The following MTRF1L variants were observed in gnomAD, a reference collection of about 807,000 sequenced individuals.
MTRF1L encodes mitochondrial translation release factor 1 like, also known as peptide chain release factor 1-like, mitochondrial.
In MTRF1L, 29 loss-of-function variants were observed where a neutral mutation model predicts 40.0. The ratio of observed to expected loss-of-function variants is 0.73; its 90% CI spans 0.54 to 0.99. The LOEUF is 0.99. MTRF1L is among the 50% of genes least tolerant of loss of function. MTRF1L has a pLI of 0.00. For synonymous variants in MTRF1L, 150 were observed against 175.8 expected (o/e 0.85, Z 1.16); for missense variants, 412 against 464.5 (o/e 0.89, Z 1.04).
At chr6:152,996,602 A>C (rs965493031) in intron 2 of MTRF1L, among the ~76,000 whole-genome samples, 1 of 152,044 alleles carries the variant, frequency 6.6e-6, no homozygotes, top group African/African-American at 2.4e-5. Context: ...CTCCTTCCTT[A>C]CCTAACATAT....
chr6:152,992,624 T>C (rs1444943231), intron 5 of MTRF1L, among the ~76,000 whole-genome samples: 1 of 152,228 alleles, frequency 6.6e-6, no homozygotes, highest in Non-Finnish European at 1.5e-5. Context: ...CCACACCTTC[T>C]ATAAATAGTA....
intron 4 of MTRF1L, 41 bp downstream of exon 4, chr6:152,994,472 T>G (rs763763647): frequency 5.0e-5 from 78 of 1,565,446 alleles, no homozygotes; most frequent in Non-Finnish European, 6.4e-5. Flanking sequence ...CAAGGCACTG[T>G]GCTAGGCCCG....
intron 2 of MTRF1L, among the ~76,000 whole-genome samples, chr6:152,996,476 C>T (rs1778717682): frequency 6.6e-6 from 1 of 152,112 alleles, no homozygotes; most frequent in Admixed American, 6.5e-5. Context: ...ACACTTTTCA[C>T]CTTATAGTGG....
Position 152,992,993 on chromosome 6 carries a change from G to C in MTRF1L, c.688-19C>G. On this transcript the variant is annotated intron_variant, in intron 4 of 6. Coordinates refer to ENST00000367233, the MANE Select transcript of MTRF1L (RefSeq NM_019041.7). ...GATTAATCTATACAGAAGAAAAGTT[G>C]GGATTTTAAAAGATTACATGTATCA... The C allele has an allele frequency of 2.5e-6, 4 of 1,598,360 alleles. No individual in the cohort carries two copies. The highest frequency in any genetic ancestry group is 3.4e-6 in the Non-Finnish European group (4 of 1,167,328).
At chr6:152,993,841 A>T (rs567216126) in intron 4 of MTRF1L, among the ~76,000 whole-genome samples, 5 of 152,352 alleles carry the variant, frequency 3.3e-5, no homozygotes, top group African/African-American at 1.2e-4. Context: ...AGAAACTAAG[A>T]CCTAAAGAAA....
chr6:152,997,779 A>G (rs971174519), intron 2 of MTRF1L, among the ~76,000 whole-genome samples: 1 of 152,164 alleles, frequency 6.6e-6, no homozygotes, highest in African/African-American at 2.4e-5. Flanking sequence ...TCCTCTCATC[A>G]AACAGGCAAT....
At chr6:152,992,830 T>A in intron 5 of MTRF1L, 27 bp downstream of exon 5, 1 of 1,531,444 alleles carries the variant, frequency 6.5e-7, no homozygotes, top group Admixed American at 1.7e-5. Context: ...TTCTTTGGTG[T>A]CATATATTGA....
rs773047853 is a variant in MTRF1L, at chr6:153,002,438, T to C, written c.248A>G (p.His83Arg). Residue 83 changes from histidine (H) to arginine (R), a missense_variant, in exon 1 of 7, where the codon CAC becomes CGC. Physicochemically the swap from His to Arg is conservative, Grantham distance 29. Transcript: ENST00000367233. ...GGCCCGACCCTTACCGTGCAGCAAG[T>C]GCTCAGTCTCCCGCAGCTCCCGCTC... ...EKERELRETE[H>R]LLHDENEDLR... 1 of 1,613,926 alleles carries C rather than the reference T, an allele frequency of 6.2e-7. No homozygotes were observed. Among genetic ancestry groups the C allele is most frequent in the Admixed American group, 1.7e-5 (1 of 60,018 alleles).
intron 1 of MTRF1L, among the ~76,000 whole-genome samples, chr6:153,001,298 C>T (rs7743091): frequency 0.12 from 18,775 of 152,168 alleles, 1,188 homozygotes; most frequent in South Asian, 0.21. Flanking sequence ...CTGCCTGCTC[C>T]TCAAATACTG....
At chr6:152,998,796 TTCAA>T (rs1236850350) in intron 1 of MTRF1L, 167 bp from the exon 2 acceptor site, 22 of 387,070 alleles carry the variant, frequency 5.7e-5, no homozygotes, top group Non-Finnish European at 8.7e-5. Context: ...TAAATGTCCT[TTCAA>T]TCAATTTCAC....
At chr6:153,001,368 A>T (rs1778910938) in intron 1 of MTRF1L, among the ~76,000 whole-genome samples, 1 of 152,086 alleles carries the variant, frequency 6.6e-6, no homozygotes, top group African/African-American at 2.4e-5. Context: ...GAGTGTTCTC[A>T]TCTACTTCTA....
rs779018233 is a variant in MTRF1L, at chr6:152,991,336, G to A, written c.806-15C>T. The A allele has an allele frequency of 5.8e-6, 9 of 1,558,364 alleles. No homozygotes were observed. The highest frequency in any genetic ancestry group is 2.2e-4 in the Middle Eastern group (1 of 4,638). The stretch of plus-strand genomic sequence containing the variant: ...AGAAACAACACCTGAATAGTGTTAC[G>A]AGAATTAAAAAGTTTTAATAAAAAA... On this transcript the variant is annotated splice_polypyrimidine_tract_variant and intron_variant, in intron 5 of 6. Coordinates refer to ENST00000367233, the MANE Select transcript of MTRF1L (RefSeq NM_019041.7).
At chr6:152,991,343 A>T (rs748061257) in intron 5 of MTRF1L, 22 bp from the exon 6 acceptor site, 17 of 1,548,230 alleles carry the variant, frequency 1.1e-5, no homozygotes, top group Non-Finnish European at 1.5e-5. Context: ...TACGAGAATT[A>T]AAAAGTTTTA....
intron 1 of MTRF1L, among the ~76,000 whole-genome samples, chr6:153,001,596 A>G (rs1055715151): frequency 6.6e-6 from 1 of 152,226 alleles, no homozygotes; most frequent in East Asian, 1.9e-4. Context: ...CTTAATTAAC[A>G]GTACCACTCG....
At position 152,989,802 on chromosome 6, in the gene MTRF1L, A is replaced by T; in HGVS notation, c.*93T>A. The T allele has an allele frequency of 1.0e-6, 1 of 985,688 alleles. No homozygotes were observed. The highest frequency in any genetic ancestry group is 2.6e-4 in the Middle Eastern group (1 of 3,918). 61.1% of individuals were successfully genotyped at this position (985,688 alleles called of 1,614,324 possible). A position where few individuals can be genotyped will look rare whatever the true frequency, so the allele number is the denominator to read the frequency against. On this transcript the variant is annotated 3_prime_UTR_variant, in exon 7 of 7. Transcript: ENST00000367233. ...ATATTACCTCCAACTGTGTTAACTC[A>T]ACGTTTTTCAAGAGAGTAAGGGTAC...
chr6:152,990,569 T>A (rs1197607361), intron 6 of MTRF1L: 1 of 154,174 alleles, frequency 6.5e-6, no homozygotes, highest in African/African-American at 2.4e-5. Context: ...ACACCTGTAA[T>A]CCCAGCACTT....
At chr6:153,002,333 AAG>A in intron 1 of MTRF1L, 92 bp downstream of exon 1, 2 of 1,564,614 alleles carry the variant, frequency 1.3e-6, no homozygotes, top group East Asian at 4.5e-5. Context: ...CAAGTGAGTA[AAG>A]AGTTTCAAAC....
intron 4 of MTRF1L, among the ~76,000 whole-genome samples, chr6:152,993,424 CA>C (rs1778600055): frequency 6.6e-6 from 1 of 152,080 alleles, no homozygotes; most frequent in African/African-American, 2.4e-5. Context: ...AAAGATGAGC[CA>C]AATGGAAATG....
chr6:152,993,006 A>G (rs1778583736), intron 4 of MTRF1L, 32 bp from the exon 5 acceptor site: 1 of 1,533,500 alleles, frequency 6.5e-7, no homozygotes, highest in Non-Finnish European at 9.0e-7. Flanking sequence ...ATTTTAAAAG[A>G]TTACATGTAT....
Sources: gnomAD v4.1 joint callset for allele counts (sites outside exome capture counted in the v4.1 genomes callset) on GRCh38, gnomAD v4.1.1 for gene constraint, MANE v1.5 for transcripts, NCBI Gene and HGNC (gene_info 2026-07-23, HGNC 2026-07-21) for gene names.